Variants in PPP2R3A observed in about 807,000 individuals in gnomAD.
PPP2R3A encodes protein phosphatase 2 regulatory subunit B''alpha, also known as serine/threonine-protein phosphatase 2A regulatory subunit B'' subunit alpha.
In PPP2R3A, 80 loss-of-function variants were observed where a neutral mutation model predicts 106.9. That is an observed-to-expected ratio of 0.75 (90% CI 0.62 to 0.90). The LOEUF is 0.90. PPP2R3A is among the 40% of genes least tolerant of loss of function. The pLI, the probability that PPP2R3A is intolerant of heterozygous loss-of-function variation, is 0.00. For missense variants in PPP2R3A, 1,386 were observed against 1,350.4 expected (o/e 1.03, Z -0.41); for synonymous variants, 483 against 468.3 (o/e 1.03, Z -0.41).
At chr3:136,063,130 A>G (rs1576473276) in intron 5 of PPP2R3A, among the ~76,000 whole-genome samples, 1 of 152,186 alleles carries the variant, frequency 6.6e-6, no homozygotes, top group South Asian at 2.1e-4. Context: ...ATCTACAACC[A>G]TCTGATCTTT....
intron 5 of PPP2R3A, among the ~76,000 whole-genome samples, chr3:136,049,878 T>C (rs1393548521): frequency 2.0e-5 from 3 of 152,184 alleles, no homozygotes; most frequent in Non-Finnish European, 2.9e-5. Context: ...ACCCAAGATA[T>C]ATTTGAAACA....
chr3:136,106,375 C>CAGAGT lies in PPP2R3A; in HGVS notation c.3329+55_3329+59dup, dbSNP rs981862250. On this transcript the variant is annotated intron_variant, in intron 13 of 13. Coordinates refer to ENST00000264977, the MANE Select transcript of PPP2R3A (RefSeq NM_002718.5). ...AATTTTTAACAGGAATGCGCATGTCCAGAGTATTAAAACCCCCTTACAAAA... is the reference window on the plus strand; with the variant it reads ...AATTTTTAACAGGAATGCGCATGTCCAGAGTAGAGTATTAAAACCCCCTTACAAAA... The CAGAGT allele has an allele frequency of 2.0e-6, 3 of 1,465,430 alleles. No individual in the cohort carries two copies. The African/African-American group carries it at 4.2e-5, about 20-fold the overall frequency. 90.8% of individuals were successfully genotyped at this position (1,465,430 alleles called of 1,614,324 possible).
chr3:136,011,788 T>C (rs1049583361), intron 2 of PPP2R3A, among the ~76,000 whole-genome samples: 1 of 152,216 alleles, frequency 6.6e-6, no homozygotes, highest in African/African-American at 2.4e-5. Flanking sequence ...TCATCCCCTC[T>C]CATGGATCTA....
intron 3 of PPP2R3A, among the ~76,000 whole-genome samples, chr3:136,035,609 G>GT (rs1436505673): frequency 2.6e-5 from 4 of 152,140 alleles, no homozygotes; most frequent in African/African-American, 9.7e-5. Context: ...AATCTGATAG[G>GT]TTTTCCTTTT....
chr3:136,041,080 A>C, intron 4 of PPP2R3A, 118 bp downstream of exon 4: 1 of 723,964 alleles, frequency 1.4e-6, no homozygotes, highest in Non-Finnish European at 2.1e-6. Flanking sequence ...TCTTTATATC[A>C]ACAAGGAAAA....
At chr3:136,080,067 ATACATG>A (rs1559907944) in intron 7 of PPP2R3A, among the ~76,000 whole-genome samples, 1 of 152,158 alleles carries the variant, frequency 6.6e-6, no homozygotes, top group Non-Finnish European at 1.5e-5. Context: ...ATTCTCTTAT[ATACATG>A]TAGTATATAG....
chr3:136,038,631 C>T (rs1475814212), intron 3 of PPP2R3A, among the ~76,000 whole-genome samples: 1 of 152,148 alleles, frequency 6.6e-6, no homozygotes, highest in Non-Finnish European at 1.5e-5. Context: ...CTCCGCACAC[C>T]GTCTGTTTGT....
chr3:136,129,996 G>A (rs1383559965), intron 13 of PPP2R3A, among the ~76,000 whole-genome samples: 1 of 152,074 alleles, frequency 6.6e-6, no homozygotes, highest in Non-Finnish European at 1.5e-5. Flanking sequence ...AATAAACTAG[G>A]TATTGATGGA....
At chr3:136,046,810 T>G (rs978683976) in intron 4 of PPP2R3A, among the ~76,000 whole-genome samples, 15 of 152,132 alleles carry the variant, frequency 9.9e-5, no homozygotes, top group African/African-American at 3.6e-4. Context: ...GAAAGCTCAA[T>G]GAAATACAGG....
At chr3:136,115,442 A>C (rs1437902909) in intron 13 of PPP2R3A, among the ~76,000 whole-genome samples, 1 of 152,012 alleles carries the variant, frequency 6.6e-6, no homozygotes, top group Non-Finnish European at 1.5e-5. Context: ...GGGTAATAAC[A>C]AACTGCTCCA....
intron 2 of PPP2R3A, among the ~76,000 whole-genome samples, chr3:136,020,088 A>G (rs1934413622): frequency 6.6e-6 from 1 of 152,112 alleles, no homozygotes; most frequent in Non-Finnish European, 1.5e-5. Flanking sequence ...GATTATATAT[A>G]AAAATATTTG....
At chr3:135,989,483 A>G (rs1933065439) in intron 1 of PPP2R3A, among the ~76,000 whole-genome samples, 1 of 151,736 alleles carries the variant, frequency 6.6e-6, no homozygotes, top group Admixed American at 6.6e-5. Flanking sequence ...TACTTCATTT[A>G]TAGTGTGTGT....
At chr3:135,993,630 A>T (rs1300353707) in intron 1 of PPP2R3A, among the ~76,000 whole-genome samples, 1 of 152,250 alleles carries the variant, frequency 6.6e-6, no homozygotes, top group Non-Finnish European at 1.5e-5. Flanking sequence ...AACTAGAAAT[A>T]GCTCAAATGT....
chr3:135,992,681 A>G (rs1245846746), intron 1 of PPP2R3A, among the ~76,000 whole-genome samples: 1 of 152,192 alleles, frequency 6.6e-6, no homozygotes, highest in Non-Finnish European at 1.5e-5. Context: ...TCAGGCATGG[A>G]TTTCAGTACA....
At chr3:136,102,233 G>C (rs1455166734) in intron 11 of PPP2R3A, 51 bp downstream of exon 11, 5 of 1,581,716 alleles carry the variant, frequency 3.2e-6, no homozygotes, top group Admixed American at 1.7e-5. Context: ...TATCAGAGGA[G>C]GGCAAAGAAT....
chr3:136,045,950 G>A (rs1042401536), intron 4 of PPP2R3A, among the ~76,000 whole-genome samples: 7 of 152,146 alleles, frequency 4.6e-5, no homozygotes, highest in African/African-American at 1.7e-4. Context: ...TTGGGAGGCC[G>A]AGGCAGTAAG....
At chr3:136,006,032 G>A (rs1161948853) in intron 2 of PPP2R3A, among the ~76,000 whole-genome samples, 1 of 152,188 alleles carries the variant, frequency 6.6e-6, no homozygotes, top group Admixed American at 6.5e-5. Context: ...CACCTGTCCT[G>A]TGTTCCTGGC....
chr3:136,011,187 T>C (rs1934058814), intron 2 of PPP2R3A, among the ~76,000 whole-genome samples: 1 of 152,096 alleles, frequency 6.6e-6, no homozygotes. Context: ...CATGCACACA[T>C]ACAATCTTTG....
At chr3:136,143,216 C>CAGTG (rs1559945022) in intron 13 of PPP2R3A, among the ~76,000 whole-genome samples, 1 of 152,200 alleles carries the variant, frequency 6.6e-6, no homozygotes, top group Non-Finnish European at 1.5e-5. Context: ...AGGCTGGGTG[C>CAGTG]AGTGGCTCAC....
Sources: gnomAD v4.1 joint callset for allele counts (sites outside exome capture counted in the v4.1 genomes callset) on GRCh38, gnomAD v4.1.1 for gene constraint, MANE v1.5 for transcripts, NCBI Gene and HGNC (gene_info 2026-07-23, HGNC 2026-07-21) for gene names.